The following CNTNAP4 variants were observed in gnomAD, a reference collection of about 807,000 sequenced individuals.
The protein encoded by CNTNAP4 is contactin associated protein family member 4, also known as contactin-associated protein-like 4.
A neutral mutation model predicts 148.4 loss-of-function variants in CNTNAP4; 98 were observed. That is an observed-to-expected ratio of 0.66 (90% CI 0.56 to 0.78). CNTNAP4 has a LOEUF of 0.78. Among genes scored for constraint, CNTNAP4 ranks in the 30% least tolerant of loss-of-function variants. The pLI is 0.00. For synonymous variants in CNTNAP4, 730 were observed against 565.1 expected, an observed-to-expected ratio of 1.29 and a Z score of -4.14; for missense variants, 1,935 against 1,565.6, an observed-to-expected ratio of 1.24 and a Z score of -3.98.
At chr16:76,378,172 T>C (rs1352825872) in intron 3 of CNTNAP4, among the ~76,000 whole-genome samples, 1 of 152,108 alleles carries the variant, frequency 6.6e-6, no homozygotes, top group Non-Finnish European at 1.5e-5. Context: ...AAATTACCTA[T>C]GGGATACAAT....
intron 3 of CNTNAP4, among the ~76,000 whole-genome samples, chr16:76,401,719 A>G (rs777260406): frequency 1.3e-5 from 2 of 152,168 alleles, no homozygotes; most frequent in African/African-American, 2.4e-5. Context: ...TGTTCCTTCA[A>G]TACCTAGTTT....
intron 8 of CNTNAP4, among the ~76,000 whole-genome samples, chr16:76,456,314 T>G (rs1402020441): frequency 6.6e-6 from 1 of 152,240 alleles, no homozygotes; most frequent in East Asian, 1.9e-4. Context: ...AAAATTGCTG[T>G]AGACTAAATG....
chr16:76,355,279 C>G (rs1232835545), intron 2 of CNTNAP4, 39 bp from the exon 3 acceptor site: 1 of 1,442,202 alleles, frequency 6.9e-7, no homozygotes, highest in East Asian at 2.5e-5. Flanking sequence ...AACTAACTTT[C>G]CTTTCTCAAT....
intron 6 of CNTNAP4, 116 bp downstream of exon 6, chr16:76,449,067 A>T (rs1265861424): frequency 1.0e-6 from 1 of 972,988 alleles, no homozygotes; most frequent in Non-Finnish European, 1.5e-6. Flanking sequence ...GAACAGGTGA[A>T]GCATTTCCCA....
rs1555514297 is a variant in CNTNAP4 at position 76,289,581 on chromosome 16, G to GT, written c.85+11843dup. On this transcript the variant is annotated intron_variant, in intron 1 of 23. Transcript: ENST00000611870. ...AGTTCCAAACTTTTATTTTCCGCCT[G>GT]TTTTTTTTTGAGACAGAGTCTTGCT... Among the ~76,000 whole-genome samples the GT allele has an allele frequency of 1.6e-3, 224 of 139,592 alleles. 1 individual carries two copies. The highest frequency in any genetic ancestry group is 5.1e-3 in the African/African-American group (188 of 37,000). 91.6% of individuals were successfully genotyped at this position (139,592 alleles called of 152,430 possible). A position where few individuals can be genotyped will look rare whatever the true frequency, so the allele number is the denominator to read the frequency against.
Position 76,498,701 on chromosome 16 carries a change from G to T in CNTNAP4, c.2365+7G>T. 1 of 1,595,460 alleles carries T rather than the reference G, an allele frequency of 6.3e-7. No individual in the cohort carries two copies. The highest frequency in any genetic ancestry group is 8.5e-7 in the Non-Finnish European group (1 of 1,173,282). Reference sequence around the variant, plus strand: ...CTGCTCTGCCAGGGAGACAGTAAGTGGTTACAATGTGTTGAAACCGTATTT... The same window carrying T: ...CTGCTCTGCCAGGGAGACAGTAAGTTGTTACAATGTGTTGAAACCGTATTT... On this transcript the variant is annotated splice_region_variant and intron_variant, in intron 15 of 23. Coordinates refer to ENST00000611870, the MANE Select transcript of CNTNAP4 (RefSeq NM_033401.5).
chr16:76,430,076 A>G (rs947795796), intron 4 of CNTNAP4, among the ~76,000 whole-genome samples: 1 of 152,192 alleles, frequency 6.6e-6, no homozygotes, highest in African/African-American at 2.4e-5. Context: ...TATTTGATCA[A>G]ATTGGCTTTT....
At chr16:76,303,010 C>G (rs1323068852) in intron 1 of CNTNAP4, among the ~76,000 whole-genome samples, 2 of 152,140 alleles carry the variant, frequency 1.3e-5, no homozygotes, top group Non-Finnish European at 2.9e-5. Flanking sequence ...CTGTACTGAG[C>G]TAATGCACAC....
At chr16:76,369,237 A>T (rs1470578411) in intron 3 of CNTNAP4, among the ~76,000 whole-genome samples, 1 of 152,144 alleles carries the variant, frequency 6.6e-6, no homozygotes, top group African/African-American at 2.4e-5. Flanking sequence ...ACAAAATAAT[A>T]CGTTCTTTCA....
intron 11 of CNTNAP4, among the ~76,000 whole-genome samples, chr16:76,478,066 T>C (rs2081656819): frequency 6.6e-6 from 1 of 152,168 alleles, no homozygotes; most frequent in South Asian, 2.1e-4. Context: ...GAGATGGAGT[T>C]TGTTAAAAAG....
At chr16:76,412,371 G>C (rs1185748546) in intron 3 of CNTNAP4, among the ~76,000 whole-genome samples, 1 of 151,246 alleles carries the variant, frequency 6.6e-6, no homozygotes, top group Admixed American at 6.6e-5. Context: ...TCATTCTTCA[G>C]AGTGGAATTG....
At chr16:76,501,756 A>AG (rs2082654354) in intron 15 of CNTNAP4, among the ~76,000 whole-genome samples, 1 of 152,116 alleles carries the variant, frequency 6.6e-6, no homozygotes, top group Admixed American at 6.5e-5. Context: ...GGGAATACAG[A>AG]GGGGAGCTAC....
intron 2 of CNTNAP4, among the ~76,000 whole-genome samples, chr16:76,327,991 C>T (rs1400098716): frequency 6.6e-6 from 1 of 152,150 alleles, no homozygotes; most frequent in Non-Finnish European, 1.5e-5. Flanking sequence ...CAAACTTTTG[C>T]CTCAAAGTCA....
intron 13 of CNTNAP4, among the ~76,000 whole-genome samples, chr16:76,494,206 G>A (rs2082323593): frequency 6.6e-6 from 1 of 152,056 alleles, no homozygotes; most frequent in Admixed American, 6.6e-5. Context: ...TTAACTCTGA[G>A]AAGGAGCTGG....
chr16:76,390,914 A>G (rs1359142556), intron 3 of CNTNAP4, among the ~76,000 whole-genome samples: 2 of 152,128 alleles, frequency 1.3e-5, no homozygotes, highest in Non-Finnish European at 2.9e-5. Flanking sequence ...TTTATGGGGT[A>G]CATGAGATGT....
At chr16:76,461,850 A>G in intron 8 of CNTNAP4, 106 bp from the exon 9 acceptor site, 1 of 822,354 alleles carries the variant, frequency 1.2e-6, no homozygotes, top group African/African-American at 1.7e-5. Context: ...TTAATAATAG[A>G]GTTAAGTACT....
intron 1 of CNTNAP4, among the ~76,000 whole-genome samples, chr16:76,291,659 C>T (rs781054731): frequency 2.6e-5 from 4 of 152,224 alleles, no homozygotes; most frequent in Non-Finnish European, 5.9e-5. Flanking sequence ...TCTCAGTACA[C>T]ACAGCTCCTC....
At chr16:76,385,324 G>A (rs950469853) in intron 3 of CNTNAP4, among the ~76,000 whole-genome samples, 3 of 151,942 alleles carry the variant, frequency 2.0e-5, no homozygotes, top group Non-Finnish European at 4.4e-5. Context: ...CATCTCACAG[G>A]GACTGCCTTA....
intron 17 of CNTNAP4, among the ~76,000 whole-genome samples, chr16:76,525,410 G>T (rs1002120200): frequency 6.7e-6 from 1 of 149,552 alleles, no homozygotes; most frequent in African/African-American, 2.4e-5. Flanking sequence ...AAAAAAATCT[G>T]TCTATCCATC....
Sources: allele counts gnomAD v4.1 joint callset (sites outside exome capture counted in the v4.1 genomes callset), GRCh38; gene constraint gnomAD v4.1.1; transcripts MANE v1.5; gene names NCBI Gene and HGNC (gene_info 2026-07-23, HGNC 2026-07-21).